The following NIBAN1 variants were observed in gnomAD, a reference collection of about 807,000 sequenced individuals.
The protein encoded by NIBAN1 is niban apoptosis regulator 1.
NIBAN1 carries 81 observed loss-of-function variants against 75.1 expected under a neutral mutation model. The observed-to-expected ratio is 1.08, with a 90% CI of 0.90 to 1.30. NIBAN1 has a LOEUF of 1.30. Ranked by LOEUF, NIBAN1 falls within the 50% of genes most tolerant of loss-of-function variation. The pLI is 0.00. For missense variants in NIBAN1, 1,133 were observed against 1,128.1 expected (o/e 1.00, Z -0.06); for synonymous variants, 436 against 424.8 (o/e 1.03, Z -0.32).
chr1:184,823,252 A>G lies in NIBAN1; in HGVS notation c.900T>C (p.Ala300=), dbSNP rs754759941. 7.4e-6 allele frequency: 12 copies of G among 1,614,054 alleles called. No homozygotes were observed. Among genetic ancestry groups the G allele is most frequent in the Non-Finnish European group, 1.0e-5 (12 of 1,180,032 alleles). Residue 300 remains alanine, a synonymous_variant, in exon 8 of 14, where the codon GCT becomes GCC. Coordinates refer to ENST00000367511, the MANE Select transcript of NIBAN1 (RefSeq NM_052966.4). ...GLSALKEECR[A]LTKGLEGTIR... Reference sequence around the variant, plus strand: ...TCGTTCCTTCCAGGCCCTTTGTCAGAGCTCTGCATTCCTCCTTCAAGGCAC... The same window carrying G: ...TCGTTCCTTCCAGGCCCTTTGTCAGGGCTCTGCATTCCTCCTTCAAGGCAC...
chr1:184,815,066 G>A (rs1654489613), intron 9 of NIBAN1, among the ~76,000 whole-genome samples: 1 of 152,070 alleles, frequency 6.6e-6, no homozygotes, highest in Non-Finnish European at 1.5e-5. Context: ...ATATTCCTGG[G>A]GAAAAAATTA....
intron 1 of NIBAN1, among the ~76,000 whole-genome samples, chr1:184,926,029 T>C (rs1657671893): frequency 6.6e-6 from 1 of 152,238 alleles, no homozygotes; most frequent in Non-Finnish European, 1.5e-5. Context: ...CTGGCATTGA[T>C]GTAATCCTTT....
In NIBAN1 at chr1:184,795,778, G is replaced by A. The variant is rs749735536; in HGVS notation, c.1986C>T (p.Asp662=). The change falls in exon 14 of 14, where the codon GAC becomes GAT. Residue 662 remains aspartate (D), a synonymous_variant. Transcript: ENST00000367511. ...CTGTTGCCACAGGATTCACCACGGG[G>A]TCATCCACTCTTGAAATAATCACCT... ...TEQVIISRVD[D]PVVNPVATED... The A allele has an allele frequency of 2.2e-5, 36 of 1,611,420 alleles. No individual in the cohort carries two copies. The East Asian group carries it at 7.1e-4, about 32-fold the overall frequency.
chr1:184,954,157 G>A (rs1427886612), intron 1 of NIBAN1, among the ~76,000 whole-genome samples: 3 of 152,204 alleles, frequency 2.0e-5, no homozygotes, highest in African/African-American at 7.2e-5. Context: ...TAGAGAGGGA[G>A]AGTAAGTTGG....
chr1:184,916,756 G>A (rs1343460394), intron 1 of NIBAN1, among the ~76,000 whole-genome samples: 1 of 152,002 alleles, frequency 6.6e-6, no homozygotes, highest in Non-Finnish European at 1.5e-5. Flanking sequence ...AACTAGATAT[G>A]TATGAAAATA....
Position 184,808,069 on chromosome 1 carries a change from C to T in NIBAN1, c.1335+5G>A. On this transcript the variant is annotated splice_donor_5th_base_variant and intron_variant, in intron 10 of 13. Transcript: ENST00000367511. ...ATCCACCACGGATGCCCCTGCCACA[C>T]CCACCTCCTGCATGTAGTTCTGTGT... The T allele has an allele frequency of 6.2e-7, 1 of 1,613,730 alleles. No homozygotes were observed. The highest frequency in any genetic ancestry group is 8.5e-7 in the Non-Finnish European group (1 of 1,179,788).
At chr1:184,874,348 A>G (rs892660396) in intron 5 of NIBAN1, among the ~76,000 whole-genome samples, 5 of 151,990 alleles carry the variant, frequency 3.3e-5, no homozygotes, top group Non-Finnish European at 5.9e-5. Context: ...AAAAAACTAA[A>G]TGCTCATTTA....
chr1:184,843,016 G>A (rs772842585), intron 5 of NIBAN1, among the ~76,000 whole-genome samples: 2 of 152,192 alleles, frequency 1.3e-5, no homozygotes, highest in Non-Finnish European at 2.9e-5. Context: ...GGTCTACTCT[G>A]TCAACTGCTC....
chr1:184,890,557 TA>T (rs1287715192), intron 3 of NIBAN1, among the ~76,000 whole-genome samples: 1 of 152,178 alleles, frequency 6.6e-6, no homozygotes, highest in African/African-American at 2.4e-5. Context: ...TGCTAACAAC[TA>T]AATCATTCTG....
intron 1 of NIBAN1, among the ~76,000 whole-genome samples, chr1:184,913,928 G>A (rs908665004): frequency 1.3e-5 from 2 of 152,172 alleles, no homozygotes; most frequent in African/African-American, 4.8e-5. Context: ...GCTGTCATCT[G>A]TCTGCATTCC....
Position 184,855,585 on chromosome 1 carries a change from C to G in NIBAN1, c.602-23623G>C, listed in dbSNP as rs147601972. Among the ~76,000 whole-genome samples, 1,144 of 152,256 alleles carry G rather than the reference C, an allele frequency of 7.5e-3. 7 individuals carry two copies. Among genetic ancestry groups the G allele is most frequent in the Non-Finnish European group, 0.01 (711 of 68,008 alleles). ...TTTTATATGTTGCCTGACCTCTCCCCCTTCAACCCCAGCACTCCTGGATCC... is the reference window on the plus strand; with the variant it reads ...TTTTATATGTTGCCTGACCTCTCCCGCTTCAACCCCAGCACTCCTGGATCC... On this transcript the variant is annotated intron_variant, in intron 5 of 13. Coordinates refer to ENST00000367511, the MANE Select transcript of NIBAN1 (RefSeq NM_052966.4).
chr1:184,949,306 C>T (rs1189848136), intron 1 of NIBAN1, among the ~76,000 whole-genome samples: 2 of 152,084 alleles, frequency 1.3e-5, no homozygotes, highest in Admixed American at 1.3e-4. Flanking sequence ...TGCAGTAAGC[C>T]GAGATTGCAC....
intron 8 of NIBAN1, among the ~76,000 whole-genome samples, chr1:184,819,617 G>A (rs148872589): frequency 0.014 from 2,064 of 152,320 alleles, 24 homozygotes; most frequent in Non-Finnish European, 0.02. Context: ...CTAGGAAGAC[G>A]CAATGGAGTG....
chr1:184,799,667 A>G lies in NIBAN1; in HGVS notation c.1555-1477T>C, dbSNP rs909419806. On this transcript the variant is annotated intron_variant, in intron 12 of 13. Transcript: ENST00000367511. ...AGTTTACAGTCCCACCAACAAAGTA[A>G]AAGTGTTCCTATTTCTCCACATCCT... 2.7e-3 allele frequency among the ~76,000 whole-genome samples: 348 copies of G among 127,316 alleles called. 7 individuals are homozygous for G. The highest frequency in any genetic ancestry group is 0.023 in the Middle Eastern group (6 of 264). The allele number at this position is 127,316 out of a possible 152,430, so 83.5% of individuals were successfully genotyped here. A position where few individuals can be genotyped will look rare whatever the true frequency, so the allele number is the denominator to read the frequency against.
intron 1 of NIBAN1, among the ~76,000 whole-genome samples, chr1:184,932,366 A>T (rs1462497251): frequency 6.6e-6 from 1 of 152,120 alleles, no homozygotes; most frequent in South Asian, 2.1e-4. Flanking sequence ...GTGATGGGAG[A>T]CAATGATAGA....
At chr1:184,883,972 T>G (rs182686870) in intron 5 of NIBAN1, among the ~76,000 whole-genome samples, 148 of 152,290 alleles carry the variant, frequency 9.7e-4, no homozygotes, top group Middle Eastern at 6.8e-3. Flanking sequence ...CTTGCTGGCA[T>G]TTAGATTTTT....
intron 7 of NIBAN1, 51 bp from the exon 8 acceptor site, chr1:184,823,380 G>A (rs570307512): frequency 1.9e-6 from 3 of 1,600,420 alleles, no homozygotes; most frequent in Non-Finnish European, 2.6e-6. Flanking sequence ...TGTAAGCACT[G>A]ATGGAGTCAA....
chr1:184,832,843 C>T (rs1465719234), intron 5 of NIBAN1, among the ~76,000 whole-genome samples: 1 of 152,178 alleles, frequency 6.6e-6, no homozygotes, highest in Non-Finnish European at 1.5e-5. Flanking sequence ...TTCCATAAGT[C>T]ATGCTAGGCA....
chr1:184,809,923 A>G (rs338570), intron 9 of NIBAN1, among the ~76,000 whole-genome samples: 57,934 of 151,858 alleles, frequency 0.38, 12,899 homozygotes, highest in African/African-American at 0.61. Context: ...CTTAAAGCAG[A>G]CAATCTAAAG....
Sources: gnomAD v4.1 joint callset for allele counts (sites outside exome capture counted in the v4.1 genomes callset) on GRCh38, gnomAD v4.1.1 for gene constraint, MANE v1.5 for transcripts, NCBI Gene and HGNC (gene_info 2026-07-23, HGNC 2026-07-21) for gene names.